TMPRSS11F: variants seen among roughly 807,000 people sequenced by gnomAD.
TMPRSS11F encodes the protein transmembrane serine protease 11F, also known as transmembrane protease serine 11F.
TMPRSS11F carries 47 observed loss-of-function variants against 60.2 expected under a neutral mutation model. The observed-to-expected ratio is 0.78, with a 90% CI of 0.62 to 1.00. The LOEUF is 1.00. Among genes scored for constraint, TMPRSS11F ranks in the 50% least tolerant of loss-of-function variants. TMPRSS11F has a pLI of 0.00. For missense variants in TMPRSS11F, 519 were observed against 522.9 expected (o/e 0.99, Z 0.07); for synonymous variants, 166 against 167.3 (o/e 0.99, Z 0.06).
chr4:68,127,435 A>C (rs903468732), intron 1 of TMPRSS11F, among the ~76,000 whole-genome samples: 1 of 152,098 alleles, frequency 6.6e-6, no homozygotes, highest in African/African-American at 2.4e-5. Flanking sequence ...GTTGATAACT[A>C]TCTCTCTTAT....
intron 1 of TMPRSS11F, among the ~76,000 whole-genome samples, chr4:68,112,591 C>G (rs150373597): frequency 6.6e-6 from 1 of 152,016 alleles, no homozygotes; most frequent in Non-Finnish European, 1.5e-5. Context: ...AAAAATACTA[C>G]TAATAATATA....
intron 1 of TMPRSS11F, among the ~76,000 whole-genome samples, chr4:68,099,385 A>G (rs1238858147): frequency 1.3e-5 from 2 of 152,174 alleles, no homozygotes; most frequent in Non-Finnish European, 2.9e-5. Context: ...CAATTTCTTA[A>G]TGGCATGTTG....
intron 8 of TMPRSS11F, chr4:68,062,149 T>C (rs1723194141): frequency 2.3e-6 from 1 of 435,024 alleles, no homozygotes; most frequent in African/African-American, 2.0e-5. Context: ...CTATGTTTTA[T>C]AAATAATATG....
chr4:68,095,589 C>T (rs1424667757), intron 2 of TMPRSS11F, among the ~76,000 whole-genome samples: 1 of 152,034 alleles, frequency 6.6e-6, no homozygotes, highest in Non-Finnish European at 1.5e-5. Context: ...TTGGTATTAT[C>T]CATGATGATA....
At chr4:68,115,931 T>A (rs1403578947) in intron 1 of TMPRSS11F, among the ~76,000 whole-genome samples, 1 of 152,182 alleles carries the variant, frequency 6.6e-6, no homozygotes, top group East Asian at 1.9e-4. Flanking sequence ...AATTTGACAA[T>A]TCTTTCCAAG....
rs1723161696 is a variant in TMPRSS11F, at chr4:68,061,050, T to C, written c.1016-1582A>G. ...GAAAAAAGAAACTATTTTTAATATA[T>C]ATAAAACATACTCTATTTAATAAAG... On this transcript the variant is annotated intron_variant, in intron 8 of 9. Transcript: ENST00000356291. Among the ~76,000 whole-genome samples the C allele has an allele frequency of 4.6e-5, 6 of 131,778 alleles. No homozygotes were observed. The South Asian group carries it at 1.5e-3, about 32-fold the overall frequency. 86.5% of individuals were successfully genotyped at this position (131,778 alleles called of 152,430 possible).
chr4:68,083,666 AT>A (rs143873229), intron 3 of TMPRSS11F, among the ~76,000 whole-genome samples: 5,877 of 152,190 alleles, frequency 0.039, 336 homozygotes, highest in African/African-American at 0.12. Flanking sequence ...AATAATAATA[AT>A]AAAAAAAGCC....
intron 1 of TMPRSS11F, among the ~76,000 whole-genome samples, chr4:68,110,384 G>A (rs1724388643): frequency 6.6e-6 from 1 of 152,150 alleles, no homozygotes; most frequent in Non-Finnish European, 1.5e-5. Flanking sequence ...CCAGTGTTTA[G>A]CCATGGATAT....
At chr4:68,108,829 TA>T (rs1221998119) in intron 1 of TMPRSS11F, among the ~76,000 whole-genome samples, 1 of 152,206 alleles carries the variant, frequency 6.6e-6, no homozygotes, top group African/African-American at 2.4e-5. Context: ...AGACTAGCTG[TA>T]GTACAAATGT....
intron 1 of TMPRSS11F, among the ~76,000 whole-genome samples, chr4:68,129,443 T>C (rs1007055537): frequency 2.0e-5 from 3 of 152,058 alleles, no homozygotes; most frequent in Non-Finnish European, 4.4e-5. Flanking sequence ...AAGCAACATA[T>C]GATAAAAATG....
At chr4:68,120,376 CTT>C (rs34843345) in intron 1 of TMPRSS11F, among the ~76,000 whole-genome samples, 30 of 123,792 alleles carry the variant, frequency 2.4e-4, no homozygotes, top group African/African-American at 9.3e-4. Context: ...ACAGAGAAAT[CTT>C]TTTTTTTTTT....
At chr4:68,097,712 T>G in intron 2 of TMPRSS11F, among the ~76,000 whole-genome samples, 1 of 152,140 alleles carries the variant, frequency 6.6e-6, no homozygotes, top group East Asian at 1.9e-4. Context: ...CCCTTCATTT[T>G]TTTTTCGTTT....
At chr4:68,057,885 C>T (rs1159234152) in intron 9 of TMPRSS11F, among the ~76,000 whole-genome samples, 3 of 88,602 alleles carry the variant, frequency 3.4e-5, no homozygotes, top group Non-Finnish European at 9.9e-5. Context: ...ATTATGCAGC[C>T]ATAAAAAGAA....
intron 5 of TMPRSS11F, among the ~76,000 whole-genome samples, chr4:68,070,459 C>A (rs76293661): frequency 2.0e-5 from 3 of 152,100 alleles, no homozygotes; most frequent in African/African-American, 7.2e-5. Context: ...TCACAGACCC[C>A]TGAGGGCCCA....
intron 1 of TMPRSS11F, among the ~76,000 whole-genome samples, chr4:68,116,985 A>G (rs559682983): frequency 3.5e-4 from 53 of 152,220 alleles, no homozygotes; most frequent in Non-Finnish European, 6.6e-4. Context: ...CAAAAGCAAA[A>G]ACAGACAAGG....
At chr4:68,084,955 A>G (rs1380002933) in intron 3 of TMPRSS11F, among the ~76,000 whole-genome samples, 1 of 138,824 alleles carries the variant, frequency 7.2e-6, no homozygotes, top group Non-Finnish European at 1.5e-5. Context: ...TCATCGTTCA[A>G]TTCCCACCTA....
intron 1 of TMPRSS11F, among the ~76,000 whole-genome samples, chr4:68,128,280 A>C (rs1724753147): frequency 1.3e-5 from 2 of 152,172 alleles, no homozygotes; most frequent in Non-Finnish European, 2.9e-5. Context: ...TTTGAAATCT[A>C]ATTAGCAAGA....
At chr4:68,093,113 GATCA>G (rs1416646406) in intron 2 of TMPRSS11F, among the ~76,000 whole-genome samples, 1 of 152,156 alleles carries the variant, frequency 6.6e-6, no homozygotes, top group African/African-American at 2.4e-5. Context: ...TTTTATAAAA[GATCA>G]ATTAGGAAGC....
chr4:68,112,964 G>A (rs1440290529), intron 1 of TMPRSS11F, among the ~76,000 whole-genome samples: 1 of 151,936 alleles, frequency 6.6e-6, no homozygotes, highest in Non-Finnish European at 1.5e-5. Flanking sequence ...GTAAAATTCT[G>A]AAATATTTAT....
Sources: allele counts gnomAD v4.1 joint callset (sites outside exome capture counted in the v4.1 genomes callset), GRCh38; gene constraint gnomAD v4.1.1; transcripts MANE v1.5; gene names NCBI Gene and HGNC (gene_info 2026-07-23, HGNC 2026-07-21).